CPSF6: variants seen among roughly 807,000 people sequenced by gnomAD.
CPSF6 encodes cleavage and polyadenylation specificity factor subunit 6.
CPSF6 carries 10 observed loss-of-function variants against 56.7 expected under a neutral mutation model. The observed-to-expected ratio is 0.18, with a 90% CI of 0.11 to 0.30. CPSF6 has a LOEUF of 0.30. Among genes scored for constraint, CPSF6 ranks in the 10% least tolerant of loss-of-function variants. CPSF6 has a pLI of 1.00. For synonymous variants in CPSF6, 248 were observed against 244.8 expected, an observed-to-expected ratio of 1.01 and a Z score of -0.12; for missense variants, 419 against 722.9, an observed-to-expected ratio of 0.58 and a Z score of 4.82.
chr12:69,254,780 A>G (rs1004177232), intron 3 of CPSF6, among the ~76,000 whole-genome samples: 3 of 152,194 alleles, frequency 2.0e-5, no homozygotes, highest in African/African-American at 7.2e-5. Flanking sequence ...ATTAGGGGGA[A>G]AAGAGCTTAA....
intron 1 of CPSF6, among the ~76,000 whole-genome samples, chr12:69,244,459 A>G (rs529010999): frequency 1.4e-3 from 207 of 152,240 alleles, no homozygotes; most frequent in African/African-American, 4.9e-3. Flanking sequence ...CGTGACCTCA[A>G]GTGATCCTCT....
At chr12:69,244,832 A>G (rs886961286) in intron 1 of CPSF6, among the ~76,000 whole-genome samples, 6 of 152,108 alleles carry the variant, frequency 3.9e-5, no homozygotes, top group African/African-American at 1.2e-4. Context: ...GGGCAGTATG[A>G]TGCATGGGCT....
At chr12:69,255,504 C>G (rs1872463912) in intron 3 of CPSF6, among the ~76,000 whole-genome samples, 1 of 152,188 alleles carries the variant, frequency 6.6e-6, no homozygotes, top group South Asian at 2.1e-4. Flanking sequence ...ACGTGCTCAT[C>G]AGCAATGTGC....
At chr12:69,264,910 A>G (rs909679352) in intron 9 of CPSF6, among the ~76,000 whole-genome samples, 6 of 152,176 alleles carry the variant, frequency 3.9e-5, no homozygotes, top group Admixed American at 3.9e-4. Context: ...AAATGGACCA[A>G]ATGGACTGAG....
chr12:69,263,440 T>G (rs576767492), intron 9 of CPSF6, among the ~76,000 whole-genome samples: 55 of 152,228 alleles, frequency 3.6e-4, no homozygotes, highest in African/African-American at 1.3e-3. Context: ...ATAGCATTTA[T>G]TCATGTGAAG....
At chr12:69,252,495 T>A (rs1009848855) in intron 2 of CPSF6, among the ~76,000 whole-genome samples, 3 of 152,174 alleles carry the variant, frequency 2.0e-5, no homozygotes, top group Admixed American at 2.0e-4. Context: ...ATTTGGATCT[T>A]AGCTCCACCA....
chr12:69,274,225 C>T lies in CPSF6; in HGVS notation c.*4717C>T, dbSNP rs146301197. ...ATTGCAATTTTGTGTTTAATGTTTA[C>T]TTTGTCTTTCCTTTCTTTAGCATTT... On this transcript the variant is annotated 3_prime_UTR_variant, in exon 10 of 10. Coordinates refer to ENST00000435070, the MANE Select transcript of CPSF6 (RefSeq NM_007007.3). The T allele has an allele frequency of 7.7e-5, 11 of 143,678 alleles. No individual in the cohort carries two copies. In the East Asian group the frequency reaches 1.9e-3, roughly 25 times the overall value. The allele number at this position is 143,678 out of a possible 1,614,324, so 8.9% of individuals were successfully genotyped here.
intron 3 of CPSF6, among the ~76,000 whole-genome samples, chr12:69,254,072 T>C (rs1872383709): frequency 6.6e-6 from 1 of 152,204 alleles, no homozygotes; most frequent in African/African-American, 2.4e-5. Context: ...TAACTTTACT[T>C]ATACCACTTG....
rs1873255897 is a variant in CPSF6 at position 69,271,760 on chromosome 12, G to GA, written c.*2256dup. On this transcript the variant is annotated 3_prime_UTR_variant, in exon 10 of 10. Transcript: ENST00000435070. Reference sequence around the variant, plus strand: ...CACGTGAATGTATAGCAGTAAAGGTGAAAATTGCAGGCCTTGTTTTGTTCT... The same window carrying GA: ...CACGTGAATGTATAGCAGTAAAGGTGAAAAATTGCAGGCCTTGTTTTGTTCT... 6.6e-6 allele frequency: 1 copy of GA among 151,690 alleles called. No individual in the cohort carries two copies. The highest frequency in any genetic ancestry group is 6.6e-5 in the Admixed American group (1 of 15,232). 9.4% of individuals were successfully genotyped at this position (151,690 alleles called of 1,614,324 possible). A position where few individuals can be genotyped will look rare whatever the true frequency, so the allele number is the denominator to read the frequency against.
At chr12:69,249,974 G>T (rs1872146307) in intron 1 of CPSF6, among the ~76,000 whole-genome samples, 1 of 151,988 alleles carries the variant, frequency 6.6e-6, no homozygotes, top group Non-Finnish European at 1.5e-5. Context: ...TTGCTAATTT[G>T]CTTGACTAGA....
At chr12:69,266,838 G>A (rs892229021) in intron 9 of CPSF6, among the ~76,000 whole-genome samples, 3 of 152,078 alleles carry the variant, frequency 2.0e-5, no homozygotes, top group Non-Finnish European at 4.4e-5. Context: ...GTTTTATAGA[G>A]TAATAAAATG....
intron 1 of CPSF6, among the ~76,000 whole-genome samples, chr12:69,247,723 T>C (rs1031818824): frequency 1.3e-5 from 2 of 152,204 alleles, no homozygotes; most frequent in African/African-American, 4.8e-5. Flanking sequence ...TCTCACTTTA[T>C]GAAGTAAGAA....
At chr12:69,256,967 CTTTGAATTAGATTTAATCACTGG>C (rs1565647233) in intron 4 of CPSF6, 125 bp downstream of exon 4, 3 of 820,206 alleles carry the variant, frequency 3.7e-6, no homozygotes, top group Non-Finnish European at 5.7e-6. Context: ...AAAGTCCATG[CTTTGAATTAGATTTAATCACTGG>C]TTATGACTGT....
chr12:69,248,890 C>G (rs781702086), intron 1 of CPSF6, among the ~76,000 whole-genome samples: 2 of 152,000 alleles, frequency 1.3e-5, no homozygotes, highest in Non-Finnish European at 2.9e-5. Context: ...TACTTGAGGT[C>G]CCTTTATTTA....
intron 3 of CPSF6, among the ~76,000 whole-genome samples, chr12:69,255,401 A>T (rs1592802180): frequency 6.6e-6 from 1 of 152,190 alleles, no homozygotes; most frequent in East Asian, 1.9e-4. Context: ...TGTACCTAGG[A>T]ATGGAATTAC....
intron 9 of CPSF6, among the ~76,000 whole-genome samples, chr12:69,269,070 C>T (rs1873128043): frequency 6.6e-6 from 1 of 151,716 alleles, no homozygotes; most frequent in South Asian, 2.1e-4. Context: ...AATAATTTTG[C>T]ATTTTATATT....
intron 9 of CPSF6, among the ~76,000 whole-genome samples, chr12:69,268,150 TA>T (rs1170751887): frequency 2.0e-5 from 3 of 151,800 alleles, no homozygotes; most frequent in Non-Finnish European, 4.4e-5. Flanking sequence ...TTTAATAGTG[TA>T]GTGCAGATAA....
chr12:69,253,190 C>T, intron 3 of CPSF6, 36 bp downstream of exon 3: 7 of 1,061,930 alleles, frequency 6.6e-6, no homozygotes, highest in Non-Finnish European at 9.9e-6. Context: ...GATTTAGTAG[C>T]TAGTGATACA....
chr12:69,250,233 A>C (rs1431835767), intron 1 of CPSF6, among the ~76,000 whole-genome samples: 1 of 152,020 alleles, frequency 6.6e-6, no homozygotes, highest in African/African-American at 2.4e-5. Context: ...TATAGAAAAT[A>C]ATAACTATTT....
Sources: allele counts gnomAD v4.1 joint callset (sites outside exome capture counted in the v4.1 genomes callset), GRCh38; gene constraint gnomAD v4.1.1; transcripts MANE v1.5; gene names NCBI Gene and HGNC (gene_info 2026-07-23, HGNC 2026-07-21).